The following HS3ST4 variants were observed in gnomAD, a reference collection of about 807,000 sequenced individuals.
The protein encoded by HS3ST4 is heparan sulfate glucosamine 3-O-sulfotransferase 4.
HS3ST4 carries 17 observed loss-of-function variants against 29.2 expected under a neutral mutation model. The observed-to-expected ratio is 0.58, with a 90% CI of 0.40 to 0.87. The LOEUF (loss-of-function observed/expected upper bound fraction) is 0.87, where lower values mean the gene tolerates loss of function less well. Among genes scored for constraint, HS3ST4 ranks in the 40% least tolerant of loss-of-function variants. The pLI is 0.00. For missense variants in HS3ST4, 627 were observed against 634.5 expected, an observed-to-expected ratio of 0.99 and a Z score of 0.13; for synonymous variants, 314 against 285.7, an observed-to-expected ratio of 1.10 and a Z score of -1.00.
chr16:25,838,752 C>T (rs1967385885), intron 1 of HS3ST4, among the ~76,000 whole-genome samples: 1 of 152,192 alleles, frequency 6.6e-6, no homozygotes, highest in Non-Finnish European at 1.5e-5. Context: ...TGAGATGGCT[C>T]TTAACCACGA....
At chr16:25,788,586 G>A (rs537038153) in intron 1 of HS3ST4, among the ~76,000 whole-genome samples, 1 of 141,384 alleles carries the variant, frequency 7.1e-6, no homozygotes. Flanking sequence ...TGTTGCCCGG[G>A]CTGGAGTGCA....
chr16:25,882,938 C>T (rs992749105), intron 1 of HS3ST4, among the ~76,000 whole-genome samples: 2 of 152,164 alleles, frequency 1.3e-5, no homozygotes, highest in African/African-American at 4.8e-5. Context: ...TGTTCTACTG[C>T]TCTGACCTCT....
At chr16:25,992,119 T>C (rs1403624740) in intron 1 of HS3ST4, among the ~76,000 whole-genome samples, 1 of 152,242 alleles carries the variant, frequency 6.6e-6, no homozygotes, top group East Asian at 1.9e-4. Context: ...GGCTTTGTAG[T>C]TGAATACTCT....
At chr16:25,924,839 A>G (rs907734032) in intron 1 of HS3ST4, among the ~76,000 whole-genome samples, 1 of 152,194 alleles carries the variant, frequency 6.6e-6, no homozygotes, top group African/African-American at 2.4e-5. Flanking sequence ...GATAATGAAC[A>G]TCAAGGCCCC....
chr16:26,104,284 A>C (rs1052985439), intron 1 of HS3ST4, among the ~76,000 whole-genome samples: 1 of 152,146 alleles, frequency 6.6e-6, no homozygotes, highest in African/African-American at 2.4e-5. Flanking sequence ...CCACTCCGTC[A>C]ATTTATTCCA....
chr16:25,794,925 ACACACACACAC>A, intron 1 of HS3ST4, among the ~76,000 whole-genome samples: 1 of 149,848 alleles, frequency 6.7e-6, no homozygotes, highest in Non-Finnish European at 1.5e-5. Flanking sequence ...ACACACACAC[ACACACACACAC>A]ACATATATAT....
chr16:25,873,034 A>G (rs537538942), intron 1 of HS3ST4, among the ~76,000 whole-genome samples: 11 of 152,118 alleles, frequency 7.2e-5, no homozygotes, highest in Admixed American at 1.3e-4. Context: ...GTTCTTAAAT[A>G]TGTTGACATT....
chr16:25,868,665 A>G (rs1419164335), intron 1 of HS3ST4, among the ~76,000 whole-genome samples: 2 of 152,236 alleles, frequency 1.3e-5, no homozygotes, highest in Non-Finnish European at 2.9e-5. Context: ...ACTCCTTGTG[A>G]GTAATTTTTT....
At chr16:25,903,849 C>G (rs1968147711) in intron 1 of HS3ST4, among the ~76,000 whole-genome samples, 1 of 150,978 alleles carries the variant, frequency 6.6e-6, no homozygotes, top group Admixed American at 6.6e-5. Context: ...AGCCACAGTT[C>G]AGAGGTCATT....
chr16:25,901,889 A>G (rs1324260303), intron 1 of HS3ST4, among the ~76,000 whole-genome samples: 1 of 152,182 alleles, frequency 6.6e-6, no homozygotes, highest in Non-Finnish European at 1.5e-5. Context: ...TAAGTTTTGG[A>G]AAATGGAGAA....
chr16:25,988,194 C>G (rs976055385), intron 1 of HS3ST4, among the ~76,000 whole-genome samples: 1 of 152,178 alleles, frequency 6.6e-6, no homozygotes, highest in Non-Finnish European at 1.5e-5. Flanking sequence ...CAGCTGGGCC[C>G]GCTCACATCC....
At chr16:26,121,061 A>G (rs879936230) in intron 1 of HS3ST4, among the ~76,000 whole-genome samples, 5 of 152,166 alleles carry the variant, frequency 3.3e-5, no homozygotes, top group Non-Finnish European at 5.9e-5. Context: ...CTTGCTCATG[A>G]TTGGAATGGT....
intron 1 of HS3ST4, among the ~76,000 whole-genome samples, chr16:26,056,690 C>T (rs1898412576): frequency 6.6e-6 from 1 of 152,156 alleles, no homozygotes; most frequent in Admixed American, 6.5e-5. Flanking sequence ...TCCCAACCTC[C>T]TAAAAAATCA....
intron 1 of HS3ST4, among the ~76,000 whole-genome samples, chr16:25,882,055 G>A (rs1440102402): frequency 6.6e-6 from 1 of 152,082 alleles, no homozygotes; most frequent in South Asian, 2.1e-4. Flanking sequence ...GCCTCTTTGG[G>A]GAAACTGAGG....
chr16:25,814,264 TAAAC>T (rs1166897998), intron 1 of HS3ST4, among the ~76,000 whole-genome samples: 2 of 149,626 alleles, frequency 1.3e-5, no homozygotes, highest in Non-Finnish European at 3.0e-5. Flanking sequence ...AGCAGAAAAT[TAAAC>T]AAGAAAGAAA....
intron 1 of HS3ST4, among the ~76,000 whole-genome samples, chr16:26,131,950 T>G (rs2141816604): frequency 6.6e-6 from 1 of 152,336 alleles, no homozygotes; most frequent in Admixed American, 6.5e-5. Context: ...GCCACTCAAC[T>G]TAGAAACAAA....
chr16:25,788,533 T>G (rs971873102), intron 1 of HS3ST4, among the ~76,000 whole-genome samples: 1 of 123,100 alleles, frequency 8.1e-6, no homozygotes, highest in African/African-American at 3.0e-5. Context: ...TTTTTTTTTC[T>G]TTTCTTCTTT....
chr16:25,793,722 A>G (rs58613527), intron 1 of HS3ST4, among the ~76,000 whole-genome samples: 13,338 of 151,974 alleles, frequency 0.088, 618 homozygotes, highest in African/African-American at 0.099. Flanking sequence ...ATTTTAATTC[A>G]GTTTGATGCT....
chr16:25,993,953 TGTGTGTGTGTGTGTGTGTGTG>T, intron 1 of HS3ST4, among the ~76,000 whole-genome samples: 1 of 16,084 alleles, frequency 6.2e-5, no homozygotes, highest in Non-Finnish European at 1.4e-4. Flanking sequence ...TAACCTCGTG[TGTGTGTGTGTGTGTGTGTGTG>T]TGTGTGTGTG....
Sources: allele counts gnomAD v4.1 joint callset (sites outside exome capture counted in the v4.1 genomes callset), GRCh38; gene constraint gnomAD v4.1.1; transcripts MANE v1.5; gene names NCBI Gene and HGNC (gene_info 2026-07-23, HGNC 2026-07-21).